The following AQP9 variants were observed in gnomAD, a reference collection of about 807,000 sequenced individuals.
AQP9 encodes aquaporin 9.
Under a neutral mutation model 23.8 loss-of-function variants are expected in AQP9, and 19 were observed. The ratio of observed to expected loss-of-function variants is 0.80; its 90% CI spans 0.56 to 1.17. The LOEUF is 1.17. AQP9 is among the 50% of genes most tolerant of loss of function. AQP9 has a pLI of 0.00. For synonymous variants in AQP9, 153 were observed against 131.5 expected (o/e 1.16, Z -1.12); for missense variants, 413 against 362.0 (o/e 1.14, Z -1.14).
rs760011140 is a variant in AQP9 at position 58,173,061 on chromosome 15, C to T, written c.239-7C>T. 1.9e-6 allele frequency: 3 copies of T among 1,613,680 alleles called. No individual in the cohort carries two copies. The highest frequency in any genetic ancestry group is 1.6e-4 in the Middle Eastern group (1 of 6,080). On this transcript the variant is annotated splice_region_variant and splice_polypyrimidine_tract_variant and intron_variant, in intron 2 of 5. Coordinates refer to ENST00000219919, the MANE Select transcript of AQP9 (RefSeq NM_020980.5). ...TGCCCTCTCACTTCTCCAATCTTCC[C>T]TTGCAGGTGGTCACATCAACCCAGC...
At chr15:58,151,497 C>T (rs75395859) in intron 1 of AQP9, 2 of 152,048 alleles carry the variant, frequency 1.3e-5, no homozygotes, top group East Asian at 3.9e-4. Flanking sequence ...CTCTGACCCA[C>T]TAACATCACC....
chr15:58,177,839 G>T (rs1190994542), intron 4 of AQP9, among the ~76,000 whole-genome samples: 1 of 152,112 alleles, frequency 6.6e-6, no homozygotes, highest in Non-Finnish European at 1.5e-5. Context: ...GCTATAATTG[G>T]CCAATTCAAA....
rs1898079093 is a variant in AQP9, at chr15:58,147,952, C to T, written c.111+9276C>T. Reference sequence around the variant, plus strand: ...GAGGCACATGCACACTTTTTGACAACATACCAGGAAGTATTGATATTAGTT... The same window carrying T: ...GAGGCACATGCACACTTTTTGACAATATACCAGGAAGTATTGATATTAGTT... On this transcript the variant is annotated intron_variant, in intron 1 of 5. Transcript: ENST00000219919. 2.0e-5 allele frequency among the ~76,000 whole-genome samples: 3 copies of T among 152,152 alleles called. No individual in the cohort carries two copies. The South Asian group carries it at 6.2e-4, about 32-fold the overall frequency.
intron 5 of AQP9, among the ~76,000 whole-genome samples, chr15:58,179,613 T>C (rs1324003831): frequency 2.0e-5 from 3 of 151,964 alleles, no homozygotes; most frequent in African/African-American, 7.3e-5. Flanking sequence ...CACATAATAA[T>C]AATCCCTCAA....
intron 1 of AQP9, among the ~76,000 whole-genome samples, chr15:58,148,879 C>T (rs1288885454): frequency 6.6e-6 from 1 of 152,144 alleles, no homozygotes; most frequent in African/African-American, 2.4e-5. Flanking sequence ...ATTCACCTGG[C>T]TCTCAAATTG....
intron 4 of AQP9, among the ~76,000 whole-genome samples, chr15:58,177,910 G>C (rs1283378956): frequency 1.3e-5 from 2 of 152,110 alleles, no homozygotes; most frequent in Non-Finnish European, 2.9e-5. Context: ...TTTTTAAGTA[G>C]AGTCAACCCT....
At chr15:58,162,297 C>T (rs1213497162) in intron 1 of AQP9, among the ~76,000 whole-genome samples, 3 of 152,192 alleles carry the variant, frequency 2.0e-5, no homozygotes, top group Non-Finnish European at 4.4e-5. Flanking sequence ...GAAGAGAGAA[C>T]CCCGGGAGGG....
chr15:58,185,096 C>T lies in AQP9; in HGVS notation c.*961C>T, dbSNP rs1898993043. 1 of 152,170 alleles carries T rather than the reference C, an allele frequency of 6.6e-6. No individual in the cohort carries two copies. Among genetic ancestry groups the T allele is most frequent in the Non-Finnish European group, 1.5e-5 (1 of 68,034 alleles). The allele number at this position is 152,170 out of a possible 1,614,324, so 9.4% of individuals were successfully genotyped here. A position where few individuals can be genotyped will look rare whatever the true frequency, so the allele number is the denominator to read the frequency against. On this transcript the variant is annotated 3_prime_UTR_variant, in exon 6 of 6. Transcript: ENST00000219919. ...TGGGAGGTCTCCAAAAAGATATTACCTTATTGGGCTTAACAATTCACAAGG... is the reference window on the plus strand; with the variant it reads ...TGGGAGGTCTCCAAAAAGATATTACTTTATTGGGCTTAACAATTCACAAGG...
intron 4 of AQP9, among the ~76,000 whole-genome samples, chr15:58,177,757 T>G (rs1191026976): frequency 1.3e-5 from 2 of 152,200 alleles, no homozygotes; most frequent in African/African-American, 4.8e-5. Context: ...TAATAAATGT[T>G]CAATAAATAA....
intron 1 of AQP9, among the ~76,000 whole-genome samples, chr15:58,164,778 C>A (rs748679125): frequency 4.6e-5 from 7 of 152,072 alleles, no homozygotes; most frequent in African/African-American, 7.2e-5. Flanking sequence ...AGAAATCATT[C>A]TATGTGTATT....
chr15:58,180,061 G>C (rs1477306977), intron 5 of AQP9, among the ~76,000 whole-genome samples: 1 of 152,196 alleles, frequency 6.6e-6, no homozygotes, highest in Non-Finnish European at 1.5e-5. Context: ...TTCTACTTCA[G>C]AATGTGCTGA....
chr15:58,177,752 A>C (rs948230633), intron 4 of AQP9, among the ~76,000 whole-genome samples: 1 of 152,210 alleles, frequency 6.6e-6, no homozygotes, highest in Non-Finnish European at 1.5e-5. Flanking sequence ...GCACATAATA[A>C]ATGTTCAATA....
At chr15:58,165,663 G>T (rs1268205820) in intron 1 of AQP9, among the ~76,000 whole-genome samples, 3 of 149,048 alleles carry the variant, frequency 2.0e-5, no homozygotes, top group Non-Finnish European at 4.4e-5. Context: ...CTATTTTTTT[G>T]TTTGTTTGTT....
intron 1 of AQP9, chr15:58,154,073 G>C (rs1898200094): frequency 6.6e-6 from 1 of 151,990 alleles, no homozygotes; most frequent in African/African-American, 2.4e-5. Flanking sequence ...ACCACCTTAG[G>C]CCTCTTACTA....
At chr15:58,156,728 C>T (rs758603051) in intron 1 of AQP9, among the ~76,000 whole-genome samples, 1 of 152,162 alleles carries the variant, frequency 6.6e-6, no homozygotes, top group Non-Finnish European at 1.5e-5. Context: ...TTCCCCTGTA[C>T]AGCCCATGTT....
intron 2 of AQP9, among the ~76,000 whole-genome samples, chr15:58,170,905 A>G (rs1282471288): frequency 6.6e-6 from 1 of 151,948 alleles, no homozygotes; most frequent in Non-Finnish European, 1.5e-5. Context: ...GTTGGACTGG[A>G]GGTGATCACT....
chr15:58,144,995 T>C (rs1412776617), intron 1 of AQP9, among the ~76,000 whole-genome samples: 8 of 123,396 alleles, frequency 6.5e-5, no homozygotes, highest in African/African-American at 2.2e-4. Flanking sequence ...GCCTGGGCGA[T>C]GAAGTGAGAC....
At chr15:58,166,651 T>C (rs547756377) in intron 1 of AQP9, 22 bp from the exon 2 acceptor site, 2 of 1,598,838 alleles carry the variant, frequency 1.3e-6, no homozygotes, top group Admixed American at 3.5e-5. Context: ...CACTTACCTG[T>C]TGAGTTTTCC....
At chr15:58,163,394 G>C (rs1188316429) in intron 1 of AQP9, among the ~76,000 whole-genome samples, 1 of 151,882 alleles carries the variant, frequency 6.6e-6, no homozygotes, top group African/African-American at 2.4e-5. Context: ...CAAGGGGACA[G>C]AATAAAATCA....
Sources: allele counts gnomAD v4.1 joint callset (sites outside exome capture counted in the v4.1 genomes callset), GRCh38; gene constraint gnomAD v4.1.1; transcripts MANE v1.5; gene names NCBI Gene and HGNC (gene_info 2026-07-23, HGNC 2026-07-21).